Variants in DNAH6 observed in about 807,000 individuals in gnomAD.
DNAH6 encodes the protein dynein axonemal heavy chain 6.
Under a neutral mutation model 491.4 loss-of-function variants are expected in DNAH6, and 340 were observed. That is an observed-to-expected ratio of 0.69 (90% CI 0.63 to 0.76). DNAH6 has a LOEUF of 0.76. DNAH6 is among the 30% of genes least tolerant of loss of function. The pLI, the probability that DNAH6 is intolerant of heterozygous loss-of-function variation, is 0.00. For missense variants in DNAH6, 4,443 were observed against 4,972.2 expected (o/e 0.89, Z 3.20); for synonymous variants, 1,603 against 1,686.1 (o/e 0.95, Z 1.21).
At position 84,641,879 on chromosome 2, in the gene DNAH6, C is replaced by G. The variant is rs1689442488; in HGVS notation, c.4971-68C>G. On this transcript the variant is annotated intron_variant, in intron 32 of 76. Coordinates refer to ENST00000389394, the MANE Select transcript of DNAH6 (RefSeq NM_001370.2). ...CAGGGGAAGGGCTCTGCCCTCCCCA[C>G]AGGTTTAGAAAATCATGTTCAACCT... 3 of 1,325,006 alleles carry G rather than the reference C, an allele frequency of 2.3e-6. No individual in the cohort carries two copies. In the African/African-American group the frequency reaches 4.4e-5, roughly 20 times the overall value. The allele number at this position is 1,325,006 out of a possible 1,614,324, so 82.1% of individuals were successfully genotyped here.
In DNAH6 at chr2:84,732,570, A is replaced by C. The variant is rs563870084; in HGVS notation, c.10207-874A>C. Among the ~76,000 whole-genome samples the C allele has an allele frequency of 8.5e-5, 13 of 152,306 alleles. No homozygotes were observed. The South Asian group carries it at 2.7e-3, about 32-fold the overall frequency. On this transcript the variant is annotated intron_variant, in intron 61 of 76. Transcript: ENST00000389394. Reference sequence around the variant, plus strand: ...AATTTGATTTCCATGAAGTGTCCATAATGGGCAAATATATAGAGACAGTAA... The same window carrying C: ...AATTTGATTTCCATGAAGTGTCCATCATGGGCAAATATATAGAGACAGTAA...
chr2:84,485,246 A>C, the DNAH6 span, among the ~76,000 whole-genome samples: 1 of 152,184 alleles, frequency 6.6e-6, no homozygotes, highest in African/African-American at 2.4e-5. Context: ...CTTAAGAATT[A>C]GCGTATTAGT....
intron 18 of DNAH6, among the ~76,000 whole-genome samples, chr2:84,601,630 T>C (rs1420008688): frequency 3.0e-5 from 2 of 66,604 alleles, no homozygotes; most frequent in Admixed American, 3.8e-4. Flanking sequence ...TTAGATAGCA[T>C]AGAATTGATT....
chr2:84,660,160 G>T (rs1483992145), intron 37 of DNAH6, among the ~76,000 whole-genome samples: 1 of 151,984 alleles, frequency 6.6e-6, no homozygotes, highest in Non-Finnish European at 1.5e-5. Context: ...GAAATTCTTA[G>T]TAAAATAGTT....
intron 68 of DNAH6, among the ~76,000 whole-genome samples, chr2:84,789,267 A>G (rs1677516775): frequency 6.6e-6 from 1 of 152,222 alleles, no homozygotes; most frequent in Non-Finnish European, 1.5e-5. Context: ...AACAGCAGAA[A>G]CAACAGCCAA....
chr2:84,717,993 T>C (rs903525719), intron 58 of DNAH6, among the ~76,000 whole-genome samples: 4 of 152,076 alleles, frequency 2.6e-5, no homozygotes, highest in Non-Finnish European at 4.4e-5. Context: ...AAATACAAGA[T>C]AAAAGATCAG....
At chr2:84,648,119 A>C (rs1690068286) in intron 33 of DNAH6, among the ~76,000 whole-genome samples, 1 of 152,268 alleles carries the variant, frequency 6.6e-6, no homozygotes, top group African/African-American at 2.4e-5. Flanking sequence ...TGTAAAATTA[A>C]ATGAGCACTG....
intron 59 of DNAH6, among the ~76,000 whole-genome samples, chr2:84,719,735 G>C (rs1216220648): frequency 6.6e-6 from 1 of 151,576 alleles, no homozygotes; most frequent in Non-Finnish European, 1.5e-5. Context: ...TGTTGCCCAG[G>C]CTAGTCTTAA....
chr2:84,700,189 A>G (rs1007050178), intron 48 of DNAH6, among the ~76,000 whole-genome samples: 8 of 152,210 alleles, frequency 5.3e-5, no homozygotes, highest in African/African-American at 1.9e-4. Context: ...AGATAAATAT[A>G]TGGATGATGC....
intron 22 of DNAH6, among the ~76,000 whole-genome samples, chr2:84,614,913 G>A (rs1161173480): frequency 1.3e-5 from 2 of 151,972 alleles, no homozygotes; most frequent in Non-Finnish European, 2.9e-5. Context: ...TGCAGATTCT[G>A]GCTATTAGTC....
the DNAH6 span, among the ~76,000 whole-genome samples, chr2:84,496,937 A>C: frequency 1.3e-5 from 2 of 150,626 alleles, no homozygotes; most frequent in African/African-American, 4.9e-5. Flanking sequence ...TATTTTCTAG[A>C]GATTCATATA....
intron 61 of DNAH6, among the ~76,000 whole-genome samples, chr2:84,732,063 C>T (rs1021233003): frequency 1.3e-5 from 2 of 152,112 alleles, no homozygotes; most frequent in Non-Finnish European, 1.5e-5. Flanking sequence ...CCTTGAGGAG[C>T]AACATTAGAG....
chr2:84,817,462 A>G (rs962589096), intron 76 of DNAH6, among the ~76,000 whole-genome samples: 6 of 152,184 alleles, frequency 3.9e-5, no homozygotes, highest in East Asian at 1.9e-4. Context: ...CTGACCTTCT[A>G]TTTTGAAAAC....
chr2:84,810,018 A>G (rs1679810717), intron 72 of DNAH6, among the ~76,000 whole-genome samples: 1 of 152,062 alleles, frequency 6.6e-6, no homozygotes, highest in Non-Finnish European at 1.5e-5. Context: ...GTTCTGAGGA[A>G]CACCAGCTTA....
intron 68 of DNAH6, among the ~76,000 whole-genome samples, chr2:84,789,450 T>G (rs944905464): frequency 6.6e-6 from 1 of 152,224 alleles, no homozygotes; most frequent in African/African-American, 2.4e-5. Flanking sequence ...AAGCATTTCT[T>G]TGAAGAATTA....
rs1401918067 is a variant in DNAH6, at chr2:84,682,979, C to A, written c.6916+1451C>A. On this transcript the variant is annotated intron_variant, in intron 42 of 76. Coordinates refer to ENST00000389394, the MANE Select transcript of DNAH6 (RefSeq NM_001370.2). ...CCTTTCATTGCCTACCACTTTCCTC[C>A]TTGCTACTGCCACCTCCTTGCCATT... Among the ~76,000 whole-genome samples, 10 of 152,266 alleles carry A rather than the reference C, an allele frequency of 6.6e-5. No individual in the cohort carries two copies. In the South Asian group the frequency reaches 1.5e-3, roughly 22 times the overall value.
intron 2 of DNAH6, among the ~76,000 whole-genome samples, chr2:84,524,285 G>C (rs1269211537): frequency 6.7e-6 from 1 of 149,818 alleles, no homozygotes; most frequent in South Asian, 2.1e-4. Context: ...GCTTTTTTCT[G>C]TTTCCCATTT....
At chr2:84,772,999 G>A (rs1207316137) in intron 64 of DNAH6, among the ~76,000 whole-genome samples, 1 of 151,980 alleles carries the variant, frequency 6.6e-6, no homozygotes, top group Middle Eastern at 3.2e-3. Context: ...AGGAAATATG[G>A]ACAATTCACA....
chr2:84,623,281 A>G (rs889395651), intron 26 of DNAH6, among the ~76,000 whole-genome samples: 2 of 152,190 alleles, frequency 1.3e-5, no homozygotes, highest in Non-Finnish European at 2.9e-5. Flanking sequence ...CACAGCAAGG[A>G]AACAATCAAC....
Sources: gnomAD v4.1 joint callset for allele counts (sites outside exome capture counted in the v4.1 genomes callset) on GRCh38, gnomAD v4.1.1 for gene constraint, MANE v1.5 for transcripts, NCBI Gene and HGNC (gene_info 2026-07-23, HGNC 2026-07-21) for gene names.